ALK: variants seen among roughly 807,000 people sequenced by gnomAD.
ALK encodes the protein ALK tyrosine kinase receptor.
ALK carries 74 observed loss-of-function variants against 163.1 expected under a neutral mutation model. The observed-to-expected ratio is 0.45, with a 90% CI of 0.38 to 0.55. The LOEUF is 0.55. ALK is among the 20% of genes least tolerant of loss of function. The probability of loss-of-function intolerance (pLI) is 0.00; values close to 1 mark genes in which losing one functional copy is unlikely to be tolerated. For missense variants in ALK, 2,063 were observed against 2,105.3 expected, an observed-to-expected ratio of 0.98 and a Z score of 0.39; for synonymous variants, 960 against 843.2, an observed-to-expected ratio of 1.14 and a Z score of -2.40.
chr2:29,275,470 C>A lies in ALK; in HGVS notation c.1844G>T (p.Trp615Leu), dbSNP rs1665517386. Residue 615 changes from tryptophan to leucine, a missense_variant, in exon 10 of 29, where the codon TGG becomes TTG. By Grantham distance (61) the Trp-to-Leu change is moderately conservative. Transcript: ENST00000389048. ...DRFWLQMVAW[W>L]GQGSRAIVAF... ...CACGATGGCTCTGGATCCTTGTCCCCACCATGCGACCATCTGCAGCCAGAA... is the reference window on the plus strand; with the variant it reads ...CACGATGGCTCTGGATCCTTGTCCCAACCATGCGACCATCTGCAGCCAGAA... 1.2e-6 allele frequency: 2 copies of A among 1,614,140 alleles called. No individual in the cohort carries two copies. Among genetic ancestry groups the A allele is most frequent in the African/African-American group, 1.3e-5 (1 of 75,036 alleles).
At chr2:29,790,135 A>T (rs1281003969) in intron 1 of ALK, among the ~76,000 whole-genome samples, 1 of 152,184 alleles carries the variant, frequency 6.6e-6, no homozygotes. Flanking sequence ...TAGGGAAGAA[A>T]TCTCTAATGT....
At chr2:29,476,309 G>A (rs543285768) in intron 4 of ALK, among the ~76,000 whole-genome samples, 37 of 152,306 alleles carry the variant, frequency 2.4e-4, no homozygotes, top group Non-Finnish European at 4.3e-4. Flanking sequence ...CCAAGGCCTA[G>A]TTTCTGGCCT....
chr2:29,599,507 T>C (rs1675316490), intron 3 of ALK, among the ~76,000 whole-genome samples: 1 of 152,138 alleles, frequency 6.6e-6, no homozygotes, highest in Non-Finnish European at 1.5e-5. Flanking sequence ...GTTGAATGAG[T>C]TGGCTTTTGG....
intron 1 of ALK, among the ~76,000 whole-genome samples, chr2:29,841,713 T>C (rs1665706195): frequency 6.6e-6 from 1 of 152,178 alleles, no homozygotes; most frequent in South Asian, 2.1e-4. Flanking sequence ...GTTTGCCAAA[T>C]TGAAACGGGC....
At chr2:29,491,272 C>G (rs977456747) in intron 4 of ALK, among the ~76,000 whole-genome samples, 3 of 152,180 alleles carry the variant, frequency 2.0e-5, no homozygotes, top group Non-Finnish European at 2.9e-5. Flanking sequence ...CCTGTAGAGA[C>G]AGGTTTCCGT....
intron 1 of ALK, among the ~76,000 whole-genome samples, chr2:29,795,396 A>T (rs1472157556): frequency 1.1e-4 from 17 of 152,182 alleles, no homozygotes; most frequent in Admixed American, 1.1e-3. Flanking sequence ...AGAGCATTTT[A>T]AAAAACTCTC....
At chr2:29,567,519 C>A (rs765287031) in intron 3 of ALK, among the ~76,000 whole-genome samples, 1 of 152,150 alleles carries the variant, frequency 6.6e-6, no homozygotes, top group African/African-American at 2.4e-5. Context: ...CTGTTTCTAG[C>A]AGGGGTAATA....
intron 5 of ALK, among the ~76,000 whole-genome samples, chr2:29,375,257 C>A (rs1668727629): frequency 6.6e-6 from 1 of 152,214 alleles, no homozygotes; most frequent in African/African-American, 2.4e-5. Flanking sequence ...TGACCCTCAG[C>A]ATGAGGTCAA....
chr2:29,888,252 T>TTTTTTG (rs1558534541), intron 1 of ALK, among the ~76,000 whole-genome samples: 4 of 145,404 alleles, frequency 2.8e-5, no homozygotes, highest in African/African-American at 5.1e-5. Context: ...AATTGTTTTT[T>TTTTTTG]TTTTTTTTTA....
At chr2:29,336,685 G>A (rs1156631618) in intron 5 of ALK, among the ~76,000 whole-genome samples, 7 of 152,166 alleles carry the variant, frequency 4.6e-5, no homozygotes, top group Non-Finnish European at 1.0e-4. Context: ...GTGTTTTAGA[G>A]ATTTGATGCT....
chr2:29,397,122 C>T (rs1357444322), intron 4 of ALK, among the ~76,000 whole-genome samples: 1 of 152,032 alleles, frequency 6.6e-6, no homozygotes, highest in African/African-American at 2.4e-5. Context: ...TAAGTCTTAA[C>T]CCCCCATGCC....
chr2:29,794,610 G>C (rs1664261514), intron 1 of ALK, among the ~76,000 whole-genome samples: 1 of 152,130 alleles, frequency 6.6e-6, no homozygotes. Context: ...GGCGACTGTA[G>C]GGTTATTAAC....
intron 6 of ALK, among the ~76,000 whole-genome samples, chr2:29,328,024 G>A (rs1185455991): frequency 6.6e-6 from 1 of 152,156 alleles, no homozygotes; most frequent in African/African-American, 2.4e-5. Flanking sequence ...TGGAAGGCGA[G>A]GGAAGTCTGG....
chr2:29,635,447 A>G (rs1298931966), intron 3 of ALK, among the ~76,000 whole-genome samples: 1 of 152,176 alleles, frequency 6.6e-6, no homozygotes, highest in Non-Finnish European at 1.5e-5. Flanking sequence ...TGATGTAAAG[A>G]CAGGCAGAGA....
chr2:29,451,434 T>C (rs1368794868), intron 4 of ALK, among the ~76,000 whole-genome samples: 5 of 152,126 alleles, frequency 3.3e-5, no homozygotes, highest in Non-Finnish European at 7.4e-5. Flanking sequence ...TCTATCGCCC[T>C]CCTTCCTGCT....
chr2:29,252,110 C>T (rs2148198483), intron 11 of ALK, among the ~76,000 whole-genome samples: 2 of 152,148 alleles, frequency 1.3e-5, no homozygotes, highest in Middle Eastern at 6.8e-3. Context: ...GTTCTGTGTC[C>T]CACCCAACGT....
chr2:29,352,457 T>C (rs1004035112), intron 5 of ALK, among the ~76,000 whole-genome samples: 2 of 152,228 alleles, frequency 1.3e-5, no homozygotes, highest in African/African-American at 4.8e-5. Context: ...CTTGCTCTCC[T>C]ACATCACGCC....
chr2:29,544,054 C>T (rs767863966), intron 3 of ALK, among the ~76,000 whole-genome samples: 4 of 152,170 alleles, frequency 2.6e-5, no homozygotes, highest in Non-Finnish European at 5.9e-5. Context: ...GTACAATAAA[C>T]TATTAAATCA....
At chr2:29,683,302 A>T (rs1678132224) in intron 3 of ALK, among the ~76,000 whole-genome samples, 1 of 152,094 alleles carries the variant, frequency 6.6e-6, no homozygotes, top group Non-Finnish European at 1.5e-5. Flanking sequence ...GCTTGAACCC[A>T]GGAGGCAGAG....
Sources: gnomAD v4.1 joint callset for allele counts (sites outside exome capture counted in the v4.1 genomes callset) on GRCh38, gnomAD v4.1.1 for gene constraint, MANE v1.5 for transcripts, NCBI Gene and HGNC (gene_info 2026-07-23, HGNC 2026-07-21) for gene names.